Variants in SAP130 observed in about 807,000 individuals in gnomAD.
The protein encoded by SAP130 is Sin3A associated protein 130.
A neutral mutation model predicts 103.2 loss-of-function variants in SAP130; 16 were observed. That is an observed-to-expected ratio of 0.16 (90% CI 0.10 to 0.24). The LOEUF is 0.24. Among genes scored for constraint, SAP130 ranks in the 10% least tolerant of loss-of-function variants. The pLI, the probability that SAP130 is intolerant of heterozygous loss-of-function variation, is 1.00. For synonymous variants in SAP130, 477 were observed against 497.0 expected, an observed-to-expected ratio of 0.96 and a Z score of 0.53; for missense variants, 990 against 1,359.7, an observed-to-expected ratio of 0.73 and a Z score of 4.28.
chr2:128,026,945 C>T, intron 1 of SAP130: 1 of 700,760 alleles, frequency 1.4e-6, no homozygotes, highest in Non-Finnish European at 2.0e-6. Flanking sequence ...GATTCGCCCG[C>T]AACCCCACCC....
At chr2:128,010,909 T>TA (rs11414397) in intron 6 of SAP130, among the ~76,000 whole-genome samples, 4,117 of 107,078 alleles carry the variant, frequency 0.038, 162 homozygotes, top group East Asian at 0.15. Flanking sequence ...TCAGAATTAT[T>TA]AAAAAAAAAA....
chr2:127,986,973 G>A lies in SAP130; in HGVS notation c.1781-11C>T, dbSNP rs746139735. 3.1e-6 allele frequency: 5 copies of A among 1,603,684 alleles called. No homozygotes were observed. The highest frequency in any genetic ancestry group is 4.3e-6 in the Non-Finnish European group (5 of 1,171,736). On this transcript the variant is annotated splice_polypyrimidine_tract_variant and intron_variant, in intron 13 of 20. Coordinates refer to ENST00000643581, the MANE Select transcript of SAP130 (RefSeq NM_001330301.2). This position sits in a 1 kb window ranked among gnomAD's most constrained non-coding sequence, Gnocchi z 4.7. The stretch of plus-strand genomic sequence containing the variant: ...CTGCCAACACCACTGCTACAGGAGA[G>A]AGGCAACAGGAAAGAACATTGAAGA...
intron 15 of SAP130, among the ~76,000 whole-genome samples, chr2:127,956,971 G>C (rs984878606): frequency 2.9e-4 from 44 of 152,176 alleles, no homozygotes; most frequent in Non-Finnish European, 1.6e-4. Context: ...TCTCAGATGA[G>C]AAATTGTATA....
rs967896191 is a variant in SAP130, at chr2:127,996,076, A to G, written c.1355+274T>C. 1.3e-5 allele frequency among the ~76,000 whole-genome samples: 2 copies of G among 152,206 alleles called. No homozygotes were observed. Among genetic ancestry groups the G allele is most frequent in the African/African-American group, 2.4e-5 (1 of 41,452 alleles). Reference sequence around the variant, plus strand: ...TGGAGGTACTTACGGATAAATGGTCATAATGCTGCAACCCTTACTCTCAAA... The same window carrying G: ...TGGAGGTACTTACGGATAAATGGTCGTAATGCTGCAACCCTTACTCTCAAA... On this transcript the variant is annotated intron_variant, in intron 11 of 20. Coordinates refer to ENST00000643581, the MANE Select transcript of SAP130 (RefSeq NM_001330301.2). This position sits in a 1 kb window ranked among gnomAD's most constrained non-coding sequence, Gnocchi z 4.3.
chr2:127,994,736 C>A (rs1683053331), intron 11 of SAP130, among the ~76,000 whole-genome samples: 1 of 152,128 alleles, frequency 6.6e-6, no homozygotes, highest in Non-Finnish European at 1.5e-5. Context: ...CCAGCCTGGG[C>A]AACAGAGCAA....
chr2:127,946,067 G>GCTGT, intron 18 of SAP130, among the ~76,000 whole-genome samples: 1 of 152,284 alleles, frequency 6.6e-6, no homozygotes, highest in East Asian at 1.9e-4. Flanking sequence ...CTAAAGCAGG[G>GCTGT]CTGTCACTCA....
At chr2:127,994,749 T>A (rs6430961) in intron 11 of SAP130, among the ~76,000 whole-genome samples, 1 of 152,148 alleles carries the variant, frequency 6.6e-6, no homozygotes, top group Admixed American at 6.5e-5. Flanking sequence ...CAGAGCAAGA[T>A]CCTGTCTCAA....
chr2:127,966,844 T>C (rs1680695461), intron 15 of SAP130, among the ~76,000 whole-genome samples: 1 of 152,250 alleles, frequency 6.6e-6, no homozygotes, highest in African/African-American at 2.4e-5. Context: ...CAGATGACAT[T>C]ATCTTTTTTC....
chr2:127,957,691 T>C (rs1397447722), intron 15 of SAP130, among the ~76,000 whole-genome samples: 2 of 151,230 alleles, frequency 1.3e-5, no homozygotes, highest in Non-Finnish European at 2.9e-5. Flanking sequence ...AAAAAAAAGA[T>C]AAGTTATGGC....
At chr2:127,960,718 T>A (rs537861459) in intron 15 of SAP130, among the ~76,000 whole-genome samples, 85 of 151,978 alleles carry the variant, frequency 5.6e-4, no homozygotes, top group Admixed American at 4.2e-3. Flanking sequence ...CATCTACTAT[T>A]ATCTTCCACA....
rs765145099 is a variant in SAP130 at position 127,942,460 on chromosome 2, T to G, written c.2979A>C (p.Thr993=). The change falls in exon 20 of 21, where the codon ACA becomes ACC. Residue 993 remains threonine, a synonymous_variant. Coordinates refer to ENST00000643581, the MANE Select transcript of SAP130 (RefSeq NM_001330301.2). The surrounding 1 kb of genome is among the most constrained non-coding windows in gnomAD (Gnocchi z 4.8). ...EGIIPKKKAA[T]DDDLHRINEL... is the part of the protein sequence containing the mutation. ...CGTTTATTCGGTGGAGATCATCATC[T>G]GTTGCTGCTTTTTTCTTTGGGATAA... 3 of 1,613,872 alleles carry G rather than the reference T, an allele frequency of 1.9e-6. No homozygotes were observed. The highest frequency in any genetic ancestry group is 2.5e-6 in the Non-Finnish European group (3 of 1,179,738).
intron 16 of SAP130, among the ~76,000 whole-genome samples, chr2:127,950,808 T>G (rs925309023): frequency 3.9e-5 from 6 of 152,230 alleles, no homozygotes; most frequent in Admixed American, 2.6e-4. Flanking sequence ...TCAGACGAGA[T>G]GGCTGCAGCA....
intron 15 of SAP130, among the ~76,000 whole-genome samples, chr2:127,961,074 C>T (rs1341403955): frequency 6.6e-6 from 1 of 150,858 alleles, no homozygotes; most frequent in Admixed American, 6.6e-5. Flanking sequence ...ACTGCAGCCT[C>T]GACCTCCCAG....
At chr2:127,977,347 A>AC (rs1193258960) in intron 15 of SAP130, among the ~76,000 whole-genome samples, 3 of 150,422 alleles carry the variant, frequency 2.0e-5, no homozygotes, top group Non-Finnish European at 4.4e-5. Context: ...AAAAAAAAAA[A>AC]AAAAAAGCCA....
intron 6 of SAP130, among the ~76,000 whole-genome samples, chr2:128,011,064 C>T (rs1684358396): frequency 6.6e-6 from 1 of 151,982 alleles, no homozygotes; most frequent in South Asian, 2.1e-4. Context: ...TCTCACCCTT[C>T]AATCTAGAGT....
At position 128,011,569 on chromosome 2, in the gene SAP130, T is replaced by C. The variant is rs142371706; in HGVS notation, c.745-1176A>G. 1.6e-4 allele frequency among the ~76,000 whole-genome samples: 24 copies of C among 152,294 alleles called. No individual in the cohort carries two copies. The East Asian group carries it at 3.5e-3, about 22-fold the overall frequency. On this transcript the variant is annotated intron_variant, in intron 6 of 20. Transcript: ENST00000643581. ...TCACTCGGGAGCTCCTTGTCTTGGTTCTCGTCTTCCTCCAACCCTTCATAT... is the reference window on the plus strand; with the variant it reads ...TCACTCGGGAGCTCCTTGTCTTGGTCCTCGTCTTCCTCCAACCCTTCATAT...
intron 7 of SAP130, among the ~76,000 whole-genome samples, chr2:128,000,824 C>G (rs1683506853): frequency 6.6e-6 from 1 of 152,118 alleles, no homozygotes; most frequent in Non-Finnish European, 1.5e-5. Context: ...ATAGCTTGTG[C>G]CCAGGAAGTC....
chr2:127,974,880 C>A (rs1259438739), intron 15 of SAP130, among the ~76,000 whole-genome samples: 3 of 152,102 alleles, frequency 2.0e-5, no homozygotes, highest in African/African-American at 7.2e-5. Flanking sequence ...GTTACCACTG[C>A]CTATAGTATT....
At chr2:127,951,585 C>T (rs559228697) in intron 16 of SAP130, among the ~76,000 whole-genome samples, 1 of 152,310 alleles carries the variant, frequency 6.6e-6, no homozygotes, top group African/African-American at 2.4e-5. Context: ...TATCCTCCCC[C>T]ATCGCTAGGT....
Sources: gnomAD v4.1 joint callset for allele counts (sites outside exome capture counted in the v4.1 genomes callset) on GRCh38, gnomAD v4.1.1 for gene constraint, Gnocchi (gnomAD v3.1) non-coding constraint, MANE v1.5 for transcripts, NCBI Gene and HGNC (gene_info 2026-07-23, HGNC 2026-07-21) for gene names.